The following CDH10 variants were observed in gnomAD, a reference collection of about 807,000 sequenced individuals.
The protein encoded by CDH10 is cadherin 10.
CDH10 carries 30 observed loss-of-function variants against 73.1 expected under a neutral mutation model. The ratio of observed to expected loss-of-function variants is 0.41; its 90% CI spans 0.31 to 0.56. The LOEUF is 0.56. Among genes scored for constraint, CDH10 ranks in the 20% least tolerant of loss-of-function variants. The pLI, the probability that CDH10 is intolerant of heterozygous loss-of-function variation, is 0.27. For synonymous variants in CDH10, 345 were observed against 348.2 expected (o/e 0.99, Z 0.10); for missense variants, 815 against 973.7 (o/e 0.84, Z 2.17).
At chr5:24,606,525 C>T (rs1297038212) in intron 1 of CDH10, among the ~76,000 whole-genome samples, 1 of 151,954 alleles carries the variant, frequency 6.6e-6, no homozygotes, top group Non-Finnish European at 1.5e-5. Context: ...GCAGGAGAAT[C>T]GCTTCAACCT....
chr5:24,512,515 A>G (rs1742955321), intron 5 of CDH10, among the ~76,000 whole-genome samples: 1 of 115,880 alleles, frequency 8.6e-6, no homozygotes, highest in African/African-American at 3.1e-5. Context: ...ATGGGTAGGA[A>G]TCCTATTTCT....
At chr5:24,491,959 A>C (rs1230075038) in intron 10 of CDH10, 132 bp from the exon 11 acceptor site, 4 of 582,748 alleles carry the variant, frequency 6.9e-6, no homozygotes, top group Admixed American at 3.2e-5. Context: ...TTCCTAAAAA[A>C]CAAGTACAAT....
chr5:24,503,391 G>A (rs1165530857), intron 8 of CDH10, among the ~76,000 whole-genome samples: 1 of 152,160 alleles, frequency 6.6e-6, no homozygotes, highest in Non-Finnish European at 1.5e-5. Flanking sequence ...AGGTTTGCAT[G>A]TACATGTGCT....
intron 5 of CDH10, among the ~76,000 whole-genome samples, chr5:24,512,471 C>G (rs1384203932): frequency 1.3e-5 from 2 of 152,016 alleles, no homozygotes. Flanking sequence ...AACTGCATGG[C>G]AGAACATTAC....
At chr5:24,585,869 C>G (rs1470929142) in intron 2 of CDH10, among the ~76,000 whole-genome samples, 1 of 152,196 alleles carries the variant, frequency 6.6e-6, no homozygotes. Flanking sequence ...TCTCATGATT[C>G]ACAGTTCTGT....
intron 2 of CDH10, among the ~76,000 whole-genome samples, chr5:24,571,829 G>A (rs1199785702): frequency 1.3e-5 from 2 of 151,908 alleles, no homozygotes; most frequent in Non-Finnish European, 2.9e-5. Context: ...CACCATACCC[G>A]ATTTAAAACT....
chr5:24,511,591 G>GAGAGA (rs1279407999), intron 5 of CDH10, 77 bp from the exon 6 acceptor site: 12 of 658,598 alleles, frequency 1.8e-5, no homozygotes, highest in East Asian at 8.6e-5. Flanking sequence ...GAGAGAGAGA[G>GAGAGA]ATTTCTCAAT....
intron 2 of CDH10, among the ~76,000 whole-genome samples, chr5:24,564,704 T>A (rs1745103728): frequency 6.6e-6 from 1 of 152,212 alleles, no homozygotes; most frequent in Admixed American, 6.5e-5. Context: ...TTCTTCCTTT[T>A]CTTATTTGCA....
At position 24,530,188 on chromosome 5, in the gene CDH10, G is replaced by T. The variant is rs1221219138; in HGVS notation, c.814+4924C>A. Among the ~76,000 whole-genome samples the T allele has an allele frequency of 9.3e-5, 14 of 151,100 alleles. No homozygotes were observed. The East Asian group carries it at 2.8e-3, about 30-fold the overall frequency. On this transcript the variant is annotated intron_variant, in intron 5 of 11. Transcript: ENST00000264463. ...ATAGATTTGAGAGTCTTTTCAAATA[G>T]ACATTCTCTGGAGTGTTAAGGCAAA... is the stretch of plus-strand genomic sequence containing the variant.
At chr5:24,579,585 T>C (rs1393598975) in intron 2 of CDH10, among the ~76,000 whole-genome samples, 1 of 152,084 alleles carries the variant, frequency 6.6e-6, no homozygotes, top group Non-Finnish European at 1.5e-5. Context: ...AGCACACTTA[T>C]AACCTCATGG....
intron 2 of CDH10, among the ~76,000 whole-genome samples, chr5:24,586,931 G>T (rs1367427811): frequency 7.3e-6 from 1 of 136,130 alleles, no homozygotes; most frequent in Admixed American, 8.1e-5. Context: ...TGCAAGCTCC[G>T]CCTCCCGGGT....
intron 2 of CDH10, among the ~76,000 whole-genome samples, chr5:24,562,217 C>T (rs3933967): frequency 0.84 from 127,615 of 152,020 alleles, 53,626 homozygotes; most frequent in East Asian, 0.91. Flanking sequence ...TTCACAATTT[C>T]TGTCACCATG....
At chr5:24,584,464 T>TTGTGTG (rs1554023320) in intron 2 of CDH10, among the ~76,000 whole-genome samples, 3 of 55,468 alleles carry the variant, frequency 5.4e-5, no homozygotes, top group East Asian at 6.2e-4. Context: ...TTTTTTTTTT[T>TTGTGTG]TGTGTGTGTG....
rs190677254 is a variant in CDH10, at chr5:24,582,983, G to A, written c.231+10277C>T. 2.6e-3 allele frequency among the ~76,000 whole-genome samples: 393 copies of A among 151,988 alleles called. 1 individual carries two copies. The highest frequency in any genetic ancestry group is 0.014 in the Middle Eastern group (4 of 294). ...AAACTTTTCAAGACTATGCTTCAGG[G>A]TTTCTACTTGTAGTCATATTTCCTA... On this transcript the variant is annotated intron_variant, in intron 2 of 11. Coordinates refer to ENST00000264463, the MANE Select transcript of CDH10 (RefSeq NM_006727.5).
At chr5:24,621,155 A>G (rs1747304173) in intron 1 of CDH10, among the ~76,000 whole-genome samples, 1 of 152,188 alleles carries the variant, frequency 6.6e-6, no homozygotes, top group South Asian at 2.1e-4. Flanking sequence ...TGTGCCTCTA[A>G]GAGCGCTCAC....
chr5:24,529,153 G>A (rs1743636906), intron 5 of CDH10, among the ~76,000 whole-genome samples: 2 of 151,758 alleles, frequency 1.3e-5, no homozygotes, highest in Admixed American at 6.6e-5. Context: ...TTATTTACTT[G>A]GGCAAACCAG....
At chr5:24,573,457 T>G (rs543537816) in intron 2 of CDH10, among the ~76,000 whole-genome samples, 2 of 151,954 alleles carry the variant, frequency 1.3e-5, no homozygotes, top group Admixed American at 1.3e-4. Context: ...ATCCCAGCAC[T>G]TTGGGAGGCC....
chr5:24,599,112 C>T (rs1020577258), intron 1 of CDH10, among the ~76,000 whole-genome samples: 23 of 152,108 alleles, frequency 1.5e-4, no homozygotes, highest in African/African-American at 5.1e-4. Context: ...TAACTTGATC[C>T]ACAAGCAAGT....
At chr5:24,527,649 G>A (rs189017450) in intron 5 of CDH10, among the ~76,000 whole-genome samples, 97 of 151,878 alleles carry the variant, frequency 6.4e-4, no homozygotes, top group African/African-American at 2.0e-3. Context: ...GTAACACAAT[G>A]GTATTTGTGT....
Sources: gnomAD v4.1 joint callset for allele counts (sites outside exome capture counted in the v4.1 genomes callset) on GRCh38, gnomAD v4.1.1 for gene constraint, MANE v1.5 for transcripts, NCBI Gene and HGNC (gene_info 2026-07-23, HGNC 2026-07-21) for gene names.